The following HEATR5B variants were observed in gnomAD, a reference collection of about 807,000 sequenced individuals.
HEATR5B encodes HEAT repeat-containing protein 5B.
HEATR5B carries 156 observed loss-of-function variants against 224.1 expected under a neutral mutation model. The observed-to-expected ratio is 0.70, with a 90% CI of 0.61 to 0.80. The LOEUF is 0.80. HEATR5B is among the 30% of genes least tolerant of loss of function. HEATR5B has a pLI of 0.00. For missense variants in HEATR5B, 2,323 were observed against 2,535.5 expected, an observed-to-expected ratio of 0.92 and a Z score of 1.80; for synonymous variants, 1,027 against 893.0, an observed-to-expected ratio of 1.15 and a Z score of -2.68.
intron 8 of HEATR5B, among the ~76,000 whole-genome samples, chr2:37,066,129 C>T (rs1671573240): frequency 6.6e-6 from 1 of 152,192 alleles, no homozygotes; most frequent in African/African-American, 2.4e-5. Context: ...TACTGAGATA[C>T]ATCTTTGCTT....
chr2:37,072,753 GAAA>G (rs535111624), intron 5 of HEATR5B, among the ~76,000 whole-genome samples: 1 of 144,652 alleles, frequency 6.9e-6, no homozygotes, highest in African/African-American at 2.5e-5. Flanking sequence ...GGCTGATCAG[GAAA>G]AAAAAAAAGT....
chr2:37,024,886 C>T lies in HEATR5B; in HGVS notation c.3853+3037G>A, dbSNP rs574077056. Reference sequence around the variant, plus strand: ...CTGCCCATCTCTATGTCTACCCTTCCTCAAAGCAAGACCTCCGTCTTTTTT... The same window carrying T: ...CTGCCCATCTCTATGTCTACCCTTCTTCAAAGCAAGACCTCCGTCTTTTTT... On this transcript the variant is annotated intron_variant, in intron 24 of 35. Transcript: ENST00000233099. Among the ~76,000 whole-genome samples, 8 of 152,288 alleles carry T rather than the reference C, an allele frequency of 5.3e-5. No homozygotes were observed. In the South Asian group the frequency reaches 1.7e-3, roughly 32 times the overall value.
chr2:37,031,457 G>A (rs1281274150), intron 22 of HEATR5B, among the ~76,000 whole-genome samples: 6 of 133,640 alleles, frequency 4.5e-5, no homozygotes, highest in African/African-American at 1.7e-4. Flanking sequence ...TTTTTAAAGA[G>A]ACAGGATCTC....
At chr2:37,058,699 C>T (rs1671066420) in intron 13 of HEATR5B, 139 bp from the exon 14 acceptor site, 9 of 701,288 alleles carry the variant, frequency 1.3e-5, no homozygotes, top group Non-Finnish European at 2.2e-5. Flanking sequence ...GTGATCTTTG[C>T]TGTAACAAAA....
In HEATR5B at chr2:37,020,675, G is replaced by C; in HGVS notation, c.4015C>G (p.Leu1339Val). The C allele has an allele frequency of 6.3e-7, 1 of 1,582,186 alleles. No homozygotes were observed. The highest frequency in any genetic ancestry group is 8.5e-7 in the Non-Finnish European group (1 of 1,171,556). Residue 1339 changes from leucine (L) to valine (V), a missense_variant, in exon 25 of 36, where the codon CTG becomes GTG. Physicochemically the swap from Leu to Val is conservative, Grantham distance 32. This residue lies in a region of HEATR5B where 339 missense variants were observed against 378.4 expected (regional missense o/e 0.90). Transcript: ENST00000233099. Reference sequence around the variant, plus strand: ...CTCACATTAGCCTGATACTGCTCCAGTATCACATGACCTGGAAATTCTGGC... The same window carrying C: ...CTCACATTAGCCTGATACTGCTCCACTATCACATGACCTGGAAATTCTGGC... The part of the protein sequence containing the change: ...PEPEFPGHVI[L>V]EQYQANVGAA...
At chr2:37,027,491 T>C (rs113213530) in intron 24 of HEATR5B, among the ~76,000 whole-genome samples, 3 of 152,230 alleles carry the variant, frequency 2.0e-5, no homozygotes, top group African/African-American at 4.8e-5. Flanking sequence ...CTTCTGAAAT[T>C]TGAGAGTTTG....
At chr2:37,079,372 T>G in intron 2 of HEATR5B, 41 bp from the exon 3 acceptor site, 1 of 1,164,172 alleles carries the variant, frequency 8.6e-7, no homozygotes. Flanking sequence ...CATTAAAAAT[T>G]TTTTTTGTTA....
At chr2:37,023,355 C>G (rs1397115640) in intron 24 of HEATR5B, among the ~76,000 whole-genome samples, 1 of 152,292 alleles carries the variant, frequency 6.6e-6, no homozygotes. Flanking sequence ...GCCTGATCCC[C>G]AAGCAGTTCC....
intron 1 of HEATR5B, among the ~76,000 whole-genome samples, chr2:37,083,940 T>G (rs1427720736): frequency 6.6e-6 from 1 of 152,076 alleles, no homozygotes; most frequent in Non-Finnish European, 1.5e-5. Flanking sequence ...CGCGGATGGG[T>G]GGGGCGGCCA....
At chr2:37,039,171 G>GAA (rs772913828) in intron 20 of HEATR5B, among the ~76,000 whole-genome samples, 1 of 123,330 alleles carries the variant, frequency 8.1e-6, no homozygotes, top group South Asian at 3.0e-4. Context: ...CTTAAAAAGA[G>GAA]AAAAAAAAAA....
rs1431749379 is a variant in HEATR5B at position 37,068,696 on chromosome 2, G to C, written c.1162C>G (p.Gln388Glu). ...TGATTCTTACCTACGGCTTTCATTT[G>C]TTTTCCAATAGCTTGGCAGATTTCT... The part of the protein sequence containing the change: ...AKEICQAIGK[Q>E]MKAVEAVVND... The change falls in exon 8 of 36, where the codon CAA becomes GAA. Residue 388 changes from glutamine (Q) to glutamate (E), a missense_variant. Coordinates refer to ENST00000233099, the MANE Select transcript of HEATR5B (RefSeq NM_019024.3). The C allele has an allele frequency of 1.9e-6, 3 of 1,614,076 alleles. No individual in the cohort carries two copies. Among genetic ancestry groups the C allele is most frequent in the Non-Finnish European group, 2.5e-6 (3 of 1,179,994 alleles).
chr2:37,056,715 G>A (rs1330624337), intron 15 of HEATR5B, 100 bp from the exon 16 acceptor site: 2 of 964,538 alleles, frequency 2.1e-6, no homozygotes, highest in East Asian at 2.9e-5. Flanking sequence ...AAGGAGAAAA[G>A]GCAACAAAAA....
intron 3 of HEATR5B, among the ~76,000 whole-genome samples, chr2:37,077,862 A>G (rs925198108): frequency 2.0e-5 from 3 of 152,222 alleles, no homozygotes; most frequent in Admixed American, 6.5e-5. Flanking sequence ...ATAATACTAT[A>G]CTATTAGTAA....
chr2:37,026,289 C>A (rs989740182), intron 24 of HEATR5B, among the ~76,000 whole-genome samples: 1 of 152,170 alleles, frequency 6.6e-6, no homozygotes, highest in African/African-American at 2.4e-5. Flanking sequence ...CACAGCCCTG[C>A]TGATGCCTTG....
Position 36,997,313 on chromosome 2 carries a change from T to C in HEATR5B, c.5545+3273A>G, listed in dbSNP as rs202234619. Among the ~76,000 whole-genome samples the C allele has an allele frequency of 5.1e-4, 77 of 151,930 alleles. 1 individual carries two copies. In the East Asian group the frequency reaches 0.012, roughly 25 times the overall value. ...GATCCTTCTGCCTCAGCCTCCCAAATAGCTGGGACCACATGTGTGTGCCAC... is the reference window on the plus strand; with the variant it reads ...GATCCTTCTGCCTCAGCCTCCCAAACAGCTGGGACCACATGTGTGTGCCAC... On this transcript the variant is annotated intron_variant, in intron 33 of 35. Coordinates refer to ENST00000233099, the MANE Select transcript of HEATR5B (RefSeq NM_019024.3).
chr2:37,003,394 T>A (rs938602826), intron 31 of HEATR5B, 148 bp downstream of exon 31: 40 of 496,802 alleles, frequency 8.1e-5, no homozygotes, highest in Non-Finnish European at 1.2e-4. Flanking sequence ...TATAATCACA[T>A]CATTGCGCTC....
At chr2:36,994,934 T>C (rs1055360543) in intron 33 of HEATR5B, among the ~76,000 whole-genome samples, 1 of 151,754 alleles carries the variant, frequency 6.6e-6, no homozygotes, top group Non-Finnish European at 1.5e-5. Flanking sequence ...GTATTTTTAG[T>C]AGAGACGGGG....
At chr2:37,036,960 G>A (rs1669519375) in intron 21 of HEATR5B, among the ~76,000 whole-genome samples, 1 of 151,322 alleles carries the variant, frequency 6.6e-6, no homozygotes, top group Admixed American at 6.6e-5. Context: ...TACTATGACA[G>A]AGGCTTGATC....
intron 9 of HEATR5B, among the ~76,000 whole-genome samples, chr2:37,065,534 C>G (rs747697202): frequency 1.3e-5 from 2 of 152,096 alleles, no homozygotes; most frequent in Non-Finnish European, 2.9e-5. Context: ...GTCTTGAACT[C>G]CCGATCTCAA....
Sources: allele counts gnomAD v4.1 joint callset (sites outside exome capture counted in the v4.1 genomes callset), GRCh38; gene constraint gnomAD v4.1.1; regional missense constraint gnomAD v4.1.1; transcripts MANE v1.5; gene names NCBI Gene and HGNC (gene_info 2026-07-23, HGNC 2026-07-21).